GIPC1: variants seen among roughly 807,000 people sequenced by gnomAD.
The protein encoded by GIPC1 is GIPC PDZ domain containing family member 1.
A neutral mutation model predicts 28.5 loss-of-function variants in GIPC1; 15 were observed. That is an observed-to-expected ratio of 0.53 (90% CI 0.35 to 0.81). The LOEUF (loss-of-function observed/expected upper bound fraction) is 0.81. Among genes scored for constraint, GIPC1 ranks in the 30% least tolerant of loss-of-function variants. GIPC1 has a pLI of 0.01. For synonymous variants in GIPC1, 224 were observed against 206.1 expected (o/e 1.09, Z -0.74); for missense variants, 439 against 481.9 (o/e 0.91, Z 0.83).
intron 3 of GIPC1, among the ~76,000 whole-genome samples, chr19:14,490,630 CAGTGCCATT>C (rs2071949256): frequency 6.7e-6 from 1 of 149,888 alleles, no homozygotes; most frequent in African/African-American, 2.5e-5. Context: ...TGAGCTGAGA[CAGTGCCATT>C]GCACTCCAGC....
chr19:14,480,590 C>T lies in GIPC1; in HGVS notation c.474+3G>A, dbSNP rs768618180. The T allele has an allele frequency of 6.2e-7, 1 of 1,613,382 alleles. No homozygotes were observed. The highest frequency in any genetic ancestry group is 8.5e-7 in the Non-Finnish European group (1 of 1,179,550). On this transcript the variant is annotated splice_donor_region_variant and intron_variant, in intron 5 of 8. Coordinates refer to ENST00000393033, the MANE Select transcript of GIPC1 (RefSeq NM_005716.4). ...CTCCGGGGTGCCCCGTCTCCCCAGG[C>T]ACCTTGATGAAGGCGTAGCCAGCCC...
At position 14,482,939 on chromosome 19, in the gene GIPC1, G is replaced by A. The variant is rs751897273; in HGVS notation, c.38C>T (p.Pro13Leu). ...CTCAGCCTCCTCATTTTCCACTAGA[G>A]GGGGCGCCTTTTTCCGCCGCCCCAG... is the stretch of plus-strand genomic sequence containing the variant. ...LGLGRRKKAP[P>L]LVENEEAEPG... The change falls in exon 4 of 9, where the codon CCT (proline) becomes CTT (leucine). Residue 13 changes from proline (P) to leucine (L), a missense_variant. Physicochemically the swap from Pro to Leu is moderately conservative, Grantham distance 98. Transcript: ENST00000393033. The A allele has an allele frequency of 3.7e-6, 6 of 1,611,708 alleles. No individual in the cohort carries two copies. Among genetic ancestry groups the A allele is most frequent in the Admixed American group, 3.3e-5 (2 of 59,920 alleles).
rs763857763 is a variant in GIPC1 at position 14,489,386 on chromosome 19, C to T, written c.-31+2270G>A. On this transcript the variant is annotated intron_variant, in intron 3 of 8. Transcript: ENST00000393033. ...CATCTGTGAGCCCATGGAGTATACA[C>T]CATGAGCAAAGCTCACCCTCCTGAG... The T allele has an allele frequency of 6.3e-6, 5 of 787,472 alleles. No homozygotes were observed. In the South Asian group the frequency reaches 6.7e-5, roughly 11 times the overall value. 48.8% of individuals were successfully genotyped at this position (787,472 alleles called of 1,614,324 possible).
Position 14,480,457 on chromosome 19 carries a change from T to C in GIPC1, c.503A>G (p.His168Arg). The C allele has an allele frequency of 6.2e-7, 1 of 1,613,306 alleles. No individual in the cohort carries two copies. Among genetic ancestry groups the C allele is most frequent in the Non-Finnish European group, 8.5e-7 (1 of 1,179,494 alleles). The change falls in exon 6 of 9, where the codon CAC becomes CGC. Residue 168 changes from histidine to arginine, a missense_variant. His to Arg is a conservative substitution (Grantham distance 29, BLOSUM62 0). Transcript: ENST00000393033. ...KRIKEGSVID[H>R]IHLISVGDMI... ...GTCGCCCACGCTGATGAGGTGGATGTGGTCGATCACGCTGCCCTCCTTGAT... is the reference window on the plus strand; with the variant it reads ...GTCGCCCACGCTGATGAGGTGGATGCGGTCGATCACGCTGCCCTCCTTGAT...
chr19:14,479,437 C>A lies in GIPC1; in HGVS notation c.743G>T (p.Arg248Leu). 7.0e-7 allele frequency: 1 copy of A among 1,421,464 alleles called. No homozygotes were observed. Among genetic ancestry groups the A allele is most frequent in the East Asian group, 2.9e-5 (1 of 34,394 alleles). The allele number at this position is 1,421,464 out of a possible 1,614,324, so 88.1% of individuals were successfully genotyped here. ...CAGATCCTCCACCGTGGCGGGGCCC[C>A]GGGATCGGAGCCGCAGGGTCCCTCG... is the stretch of plus-strand genomic sequence containing the variant. ...TGRGTLRLRS[R>L]GPATVEDLPS... The change falls in exon 7 of 9, where the codon CGG becomes CTG. Residue 248 changes from arginine to leucine, a missense_variant. Arg to Leu is a moderately radical substitution (Grantham distance 102). Coordinates refer to ENST00000393033, the MANE Select transcript of GIPC1 (RefSeq NM_005716.4).
intron 1 of GIPC1, among the ~76,000 whole-genome samples, chr19:14,494,073 C>T (rs1387519173): frequency 6.6e-6 from 1 of 152,230 alleles, no homozygotes; most frequent in Admixed American, 6.5e-5. Context: ...GATTCTCCTG[C>T]CTCAGCCTCC....
At position 14,478,174 on chromosome 19, in the gene GIPC1, C is replaced by A; in HGVS notation, c.*242G>T. The A allele has an allele frequency of 4.2e-6, 2 of 477,234 alleles. No individual in the cohort carries two copies. Among genetic ancestry groups the A allele is most frequent in the Non-Finnish European group, 7.5e-6 (2 of 267,436 alleles). The allele number at this position is 477,234 out of a possible 1,614,324, so 29.6% of individuals were successfully genotyped here. Reference sequence around the variant, plus strand: ...GATCCCTCCCCTCCCTGTGCCTGACCCAGCTGAGGTAGGTGGGGAACAGGG... The same window carrying A: ...GATCCCTCCCCTCCCTGTGCCTGACACAGCTGAGGTAGGTGGGGAACAGGG... On this transcript the variant is annotated 3_prime_UTR_variant, in exon 9 of 9. Transcript: ENST00000393033. This position sits in a 1 kb window ranked among gnomAD's most constrained non-coding sequence, Gnocchi z 5.2.
chr19:14,487,382 G>A (rs955298823), intron 3 of GIPC1, among the ~76,000 whole-genome samples: 1 of 151,844 alleles, frequency 6.6e-6, no homozygotes, highest in Non-Finnish European at 1.5e-5. Context: ...ACAGGTGCAC[G>A]CCACCATGCC....
chr19:14,494,611 C>CA (rs1324724853), intron 1 of GIPC1, among the ~76,000 whole-genome samples: 5 of 152,182 alleles, frequency 3.3e-5, no homozygotes, highest in African/African-American at 1.2e-4. Context: ...GTGCCAAGAA[C>CA]AGTGCCTAGC....
At position 14,478,621 on chromosome 19, in the gene GIPC1, C is replaced by T. The variant is rs2071655435; in HGVS notation, c.851-54G>A. 6.2e-7 allele frequency: 1 copy of T among 1,612,506 alleles called. No individual in the cohort carries two copies. Among genetic ancestry groups the T allele is most frequent in the East Asian group, 2.2e-5 (1 of 44,858 alleles). On this transcript the variant is annotated intron_variant, in intron 8 of 8. Coordinates refer to ENST00000393033, the MANE Select transcript of GIPC1 (RefSeq NM_005716.4). This position sits in a 1 kb window ranked among gnomAD's most constrained non-coding sequence, Gnocchi z 5.2. ...ACAAATGACACCAGGGACCAAGGGG[C>T]TCAGGGTGGATTCGGCCCCCAGCAG...
intron 6 of GIPC1, 152 bp downstream of exon 6, chr19:14,480,153 G>A (rs971089739): frequency 9.2e-6 from 6 of 653,460 alleles, no homozygotes; most frequent in Non-Finnish European, 1.6e-5. Flanking sequence ...CACCCCGTCT[G>A]GGGTCGGGAG....
intron 1 of GIPC1, 27 bp downstream of exon 1, chr19:14,496,008 GAC>G (rs1210625334): frequency 9.1e-6 from 2 of 220,102 alleles, no homozygotes; most frequent in Non-Finnish European, 1.7e-5. Context: ...CCCCGGAGCA[GAC>G]ACATCCTTCT....
Position 14,496,041 on chromosome 19 carries a change from TCCGCCG to T in GIPC1, c.-185_-180del, listed in dbSNP as rs71166735. The T allele has an allele frequency of 2.4e-3, 545 of 225,678 alleles. 1 individual carries two copies. Among genetic ancestry groups the T allele is most frequent in the African/African-American group, 5.9e-3 (238 of 40,234 alleles). The allele number at this position is 225,678 out of a possible 1,614,324, so 14.0% of individuals were successfully genotyped here. A position where few individuals can be genotyped will look rare whatever the true frequency, so the allele number is the denominator to read the frequency against. ...CTTCTCGCAGAGGCCACTCACCTGC[TCCGCCG>T]CCGCCGCCGCCGCCGCCGCCGCCGC... On this transcript the variant is annotated 5_prime_UTR_variant, in exon 1 of 9. Coordinates refer to ENST00000393033, the MANE Select transcript of GIPC1 (RefSeq NM_005716.4).
chr19:14,487,236 CTT>C (rs112964277), intron 3 of GIPC1, among the ~76,000 whole-genome samples: 4 of 139,258 alleles, frequency 2.9e-5, no homozygotes, highest in African/African-American at 2.6e-5. Context: ...TTCTTTCTTT[CTT>C]TTTTTTTTTT....
chr19:14,496,062 GCCGCCGCCGCCGCTGCCT>G lies in GIPC1; in HGVS notation c.-218_-201del, dbSNP rs954181558. On this transcript the variant is annotated 5_prime_UTR_variant, in exon 1 of 9. Transcript: ENST00000393033. The stretch of plus-strand genomic sequence containing the variant: ...CTGCTCCGCCGCCGCCGCCGCCGCC[GCCGCCGCCGCCGCTGCCT>G]CCGCCTCCCCGTGCGCACCCGGCTC... 3 of 248,268 alleles carry G rather than the reference GCCGCCGCCGCCGCTGCCT, an allele frequency of 1.2e-5. No individual in the cohort carries two copies. The highest frequency in any genetic ancestry group is 4.9e-5 in the African/African-American group (2 of 40,818). The allele number at this position is 248,268 out of a possible 1,614,324, so 15.4% of individuals were successfully genotyped here.
chr19:14,489,891 G>GA (rs200796134), intron 3 of GIPC1, among the ~76,000 whole-genome samples: 2,314 of 125,472 alleles, frequency 0.018, 55 homozygotes, highest in African/African-American at 0.059. Flanking sequence ...ATGGCAAGGA[G>GA]AAAAAAAAAA....
At position 14,480,620 on chromosome 19, in the gene GIPC1, G is replaced by A. The variant is rs747424609; in HGVS notation, c.447C>T (p.Asp149=). The part of the protein sequence containing the change: ...SEDALGLTIT[D]NGAGYAFIKR... ...TGATGAAGGCGTAGCCAGCCCCGTT[G>A]TCCGTGATGGTGAGCCCGAGTGCAT... The change falls in exon 5 of 9, where the codon GAC becomes GAT. Residue 149 remains aspartate, a synonymous_variant. Coordinates refer to ENST00000393033, the MANE Select transcript of GIPC1 (RefSeq NM_005716.4). 1 of 1,614,182 alleles carries A rather than the reference G, an allele frequency of 6.2e-7. No individual in the cohort carries two copies. The highest frequency in any genetic ancestry group is 1.1e-5 in the South Asian group (1 of 91,084).
At chr19:14,496,002 G>A (rs1266281864) in intron 1 of GIPC1, 35 bp downstream of exon 1, 3 of 206,040 alleles carry the variant, frequency 1.5e-5, no homozygotes, top group African/African-American at 2.4e-5. Flanking sequence ...CGAGGCCCCC[G>A]GAGCAGACAC....
chr19:14,485,738 G>GACAGACAGAC (rs1312985129), intron 3 of GIPC1, among the ~76,000 whole-genome samples: 1 of 141,616 alleles, frequency 7.1e-6, no homozygotes, highest in African/African-American at 2.7e-5. Context: ...GAGAGAGAGA[G>GACAGACAGAC]AGACAGAGAG....
Sources: gnomAD v4.1 joint callset for allele counts (sites outside exome capture counted in the v4.1 genomes callset) on GRCh38, gnomAD v4.1.1 for gene constraint, Gnocchi (gnomAD v3.1) non-coding constraint, MANE v1.5 for transcripts, NCBI Gene and HGNC (gene_info 2026-07-23, HGNC 2026-07-21) for gene names.